The following EML6 variants were observed in gnomAD, a reference collection of about 807,000 sequenced individuals.
The protein encoded by EML6 is echinoderm microtubule-associated protein-like 6.
Under a neutral mutation model 240.1 loss-of-function variants are expected in EML6, and 154 were observed. The observed-to-expected ratio is 0.64, with a 90% CI of 0.56 to 0.73. EML6 has a LOEUF of 0.73. EML6 is among the 30% of genes least tolerant of loss of function. EML6 has a pLI of 0.00. For synonymous variants in EML6, 1,148 were observed against 899.0 expected (o/e 1.28, Z -4.95); for missense variants, 2,964 against 2,474.6 (o/e 1.20, Z -4.20).
intron 2 of EML6, among the ~76,000 whole-genome samples, chr2:54,806,500 C>G (rs1341990247): frequency 6.6e-6 from 1 of 151,152 alleles, no homozygotes; most frequent in Admixed American, 6.6e-5. Flanking sequence ...GTAATCCCAA[C>G]TACTCGGGAT....
chr2:54,746,546 G>GTGT (rs757527670), intron 2 of EML6, among the ~76,000 whole-genome samples: 7 of 152,182 alleles, frequency 4.6e-5, no homozygotes, highest in African/African-American at 1.7e-4. Context: ...AAAGAAAAGA[G>GTGT]TGTTGTTGTT....
intron 2 of EML6, among the ~76,000 whole-genome samples, chr2:54,786,895 A>G (rs1669124074): frequency 6.6e-6 from 1 of 152,212 alleles, no homozygotes; most frequent in Admixed American, 6.5e-5. Flanking sequence ...AGTTTGCAAA[A>G]TAGTGCCATT....
In EML6 at chr2:54,724,981, T is replaced by G. The variant is rs1274520947; in HGVS notation, c.-81T>G. On this transcript the variant is annotated 5_prime_UTR_variant, in exon 2 of 42. Coordinates refer to ENST00000356458, the MANE Select transcript of EML6 (RefSeq NM_001039753.4). This position sits in a 1 kb window ranked among gnomAD's most constrained non-coding sequence, Gnocchi z 5.2. ...CGCCCTGCGCCGCGCGCTGAGCCCC[T>G]GCAGGTCCGCCGCAGCCCCAGCCTC... The G allele has an allele frequency of 8.2e-7, 1 of 1,226,790 alleles. No individual in the cohort carries two copies. Among genetic ancestry groups the G allele is most frequent in the Non-Finnish European group, 1.0e-6 (1 of 959,668 alleles). The allele number at this position is 1,226,790 out of a possible 1,614,324, so 76.0% of individuals were successfully genotyped here.
intron 2 of EML6, among the ~76,000 whole-genome samples, chr2:54,797,164 CAA>C (rs773498648): frequency 0.017 from 722 of 43,730 alleles, 3 homozygotes; most frequent in African/African-American, 0.064. Flanking sequence ...GACTCCATCT[CAA>C]AAAAAAAAAA....
chr2:54,824,170 T>A (rs1386668223), intron 5 of EML6, among the ~76,000 whole-genome samples: 2 of 152,178 alleles, frequency 1.3e-5, no homozygotes, highest in African/African-American at 4.8e-5. Flanking sequence ...CCTATCTCTT[T>A]CTGTCCTTGG....
chr2:54,969,158 C>T (rs1168200606), intron 41 of EML6, among the ~76,000 whole-genome samples: 1 of 152,154 alleles, frequency 6.6e-6, no homozygotes, highest in Admixed American at 6.5e-5. Context: ...CTTTTAAGAA[C>T]TCCCAGTTGA....
At chr2:54,823,850 T>TCTCTCTCTCTC (rs1553387708) in intron 5 of EML6, among the ~76,000 whole-genome samples, 24 of 72,282 alleles carry the variant, frequency 3.3e-4, no homozygotes, top group Non-Finnish European at 5.4e-4. Flanking sequence ...CATTCATTCA[T>TCTCTCTCTCTC]TCTCTCTCTC....
intron 10 of EML6, among the ~76,000 whole-genome samples, chr2:54,851,576 G>A (rs888543007): frequency 5.3e-5 from 8 of 152,146 alleles, no homozygotes; most frequent in South Asian, 4.1e-4. Context: ...CTGTATGCTC[G>A]AAGTATTTCA....
chr2:54,860,990 G>C (rs1366071900), intron 12 of EML6, among the ~76,000 whole-genome samples: 1 of 152,194 alleles, frequency 6.6e-6, no homozygotes, highest in Non-Finnish European at 1.5e-5. Context: ...AACACTTACA[G>C]GAGTGACATC....
intron 2 of EML6, among the ~76,000 whole-genome samples, chr2:54,765,909 A>C (rs551119601): frequency 2.0e-5 from 3 of 152,288 alleles, no homozygotes; most frequent in African/African-American, 7.2e-5. Flanking sequence ...GAAAAGTTCC[A>C]AGATGTGTAA....
In EML6 at chr2:54,725,035, G is replaced by C. The variant is rs539190629; in HGVS notation, c.-27G>C. 229 of 1,488,862 alleles carry C rather than the reference G, an allele frequency of 1.5e-4. 1 individual carries two copies. The highest frequency in any genetic ancestry group is 6.9e-4 in the Admixed American group (30 of 43,192). The allele number at this position is 1,488,862 out of a possible 1,614,324, so 92.2% of individuals were successfully genotyped here. ...GAGGACGGCCCCGGCGCGCGGGGGG[G>C]CGGGGGGCGCGCGGGGTCGGCTTAT... is the stretch of plus-strand genomic sequence containing the variant. On this transcript the variant is annotated 5_prime_UTR_variant, in exon 2 of 42. Coordinates refer to ENST00000356458, the MANE Select transcript of EML6 (RefSeq NM_001039753.4). The surrounding 1 kb of genome is among the most constrained non-coding windows in gnomAD (Gnocchi z 4.3).
chr2:54,865,090 T>C lies in EML6; in HGVS notation c.1932+1201T>C, dbSNP rs113931134. Among the ~76,000 whole-genome samples, 297 of 152,294 alleles carry C rather than the reference T, an allele frequency of 2.0e-3. 3 individuals are homozygous for C. The highest frequency in any genetic ancestry group is 6.1e-3 in the African/African-American group (254 of 41,556). ...AATATTATGCAAACACTAAACAATA[T>C]TATACTCTGGTATCAGGAGACAATA... On this transcript the variant is annotated intron_variant, in intron 13 of 41. Coordinates refer to ENST00000356458, the MANE Select transcript of EML6 (RefSeq NM_001039753.4).
chr2:54,808,225 G>T (rs1289781983), intron 2 of EML6, among the ~76,000 whole-genome samples: 1 of 152,196 alleles, frequency 6.6e-6, no homozygotes, highest in African/African-American at 2.4e-5. Context: ...AGTGCTAAGC[G>T]CATCTCTTGG....
At chr2:54,845,800 C>T (rs922828096) in intron 8 of EML6, among the ~76,000 whole-genome samples, 2 of 152,090 alleles carry the variant, frequency 1.3e-5, no homozygotes, top group African/African-American at 4.8e-5. Flanking sequence ...GGGATGTGCC[C>T]CATCCCTTCT....
intron 18 of EML6, among the ~76,000 whole-genome samples, chr2:54,891,713 C>A (rs556721202): frequency 6.6e-6 from 1 of 152,250 alleles, no homozygotes; most frequent in African/African-American, 2.4e-5. Context: ...AGCTTTGGTG[C>A]CAAGCCCTAA....
intron 17 of EML6, chr2:54,879,923 G>A: frequency 3.3e-6 from 1 of 301,006 alleles, no homozygotes; most frequent in Non-Finnish European, 6.1e-6. Context: ...AAGCACTTCA[G>A]CAATAGAAAA....
At chr2:54,855,310 A>T (rs1376461825) in intron 11 of EML6, among the ~76,000 whole-genome samples, 1 of 152,180 alleles carries the variant, frequency 6.6e-6, no homozygotes, top group Non-Finnish European at 1.5e-5. Context: ...AAGCCAGAGC[A>T]GGAGCAAGAC....
chr2:54,851,366 TC>T (rs1278510690), intron 10 of EML6, among the ~76,000 whole-genome samples: 1 of 152,146 alleles, frequency 6.6e-6, no homozygotes, highest in African/African-American at 2.4e-5. Context: ...CGAGCTGAGA[TC>T]GCACCACTGC....
chr2:54,896,618 G>A (rs1672784018), intron 21 of EML6, among the ~76,000 whole-genome samples: 1 of 152,238 alleles, frequency 6.6e-6, no homozygotes, highest in African/African-American at 2.4e-5. Flanking sequence ...GGAGAGAAAA[G>A]AAAATGCACT....
Sources: gnomAD v4.1 joint callset for allele counts (sites outside exome capture counted in the v4.1 genomes callset) on GRCh38, gnomAD v4.1.1 for gene constraint, Gnocchi (gnomAD v3.1) non-coding constraint, MANE v1.5 for transcripts, NCBI Gene and HGNC (gene_info 2026-07-23, HGNC 2026-07-21) for gene names.